Variants in PCDHA6 observed in about 807,000 individuals in gnomAD.
PCDHA6 encodes protocadherin alpha 6.
A neutral mutation model predicts 60.3 loss-of-function variants in PCDHA6; 55 were observed. That is an observed-to-expected ratio of 0.91 (90% confidence interval 0.73 to 1.14). The LOEUF (loss-of-function observed/expected upper bound fraction) is 1.14. Among genes scored for constraint, PCDHA6 ranks in the 50% most tolerant of loss-of-function variants. PCDHA6 has a pLI of 0.00. For missense variants in PCDHA6, 1,327 were observed against 1,256.5 expected (o/e 1.06, Z -0.85); for synonymous variants, 652 against 557.9 (o/e 1.17, Z -2.38).
At chr5:140,878,575 C>T (rs1339417321) in intron 1 of PCDHA6, among the ~76,000 whole-genome samples, 1 of 152,222 alleles carries the variant, frequency 6.6e-6, no homozygotes, top group African/African-American at 2.4e-5. Context: ...TAGTATACCA[C>T]TGCCCTGTGC....
At chr5:140,862,769 C>A (rs782429555) in intron 1 of PCDHA6, 1 of 578,770 alleles carries the variant, frequency 1.7e-6, no homozygotes. Context: ...AAGAGGTACG[C>A]GTTGCAGCCA....
chr5:140,850,087 TAC>T (rs2041337151), intron 1 of PCDHA6: 1 of 1,596,398 alleles, frequency 6.3e-7, no homozygotes, highest in African/African-American at 1.3e-5. Context: ...CTGGAGCTGC[TAC>T]AGTTCCAGGT....
intron 1 of PCDHA6, chr5:140,856,890 G>GTATT: frequency 6.3e-7 from 1 of 1,596,172 alleles, no homozygotes; most frequent in Non-Finnish European, 8.6e-7. Context: ...TATTCATTTA[G>GTATT]CTCTTTGGTC....
At chr5:140,831,149 C>G (rs561074158) in intron 1 of PCDHA6, 1 of 152,098 alleles carries the variant, frequency 6.6e-6, no homozygotes, top group Non-Finnish European at 1.5e-5. Flanking sequence ...TATTTACTAC[C>G]GATCTAAATA....
chr5:140,966,057 G>A (rs2153745793), intron 1 of PCDHA6, among the ~76,000 whole-genome samples: 1 of 152,318 alleles, frequency 6.6e-6, no homozygotes, highest in East Asian at 1.9e-4. Flanking sequence ...TAACCCCAGA[G>A]CGCCTCCCCC....
At chr5:140,896,827 T>G (rs1193967071) in intron 1 of PCDHA6, among the ~76,000 whole-genome samples, 1 of 152,214 alleles carries the variant, frequency 6.6e-6, no homozygotes, top group African/African-American at 2.4e-5. Flanking sequence ...TGTTCATAGT[T>G]GTTTTTATTT....
chr5:140,968,955 A>G, intron 1 of PCDHA6: 2 of 1,614,220 alleles, frequency 1.2e-6, no homozygotes, highest in Non-Finnish European at 1.7e-6. Flanking sequence ...AGCATCATCA[A>G]GTGCTACCGC....
intron 1 of PCDHA6, chr5:140,876,487 G>A (rs782413739): frequency 4.3e-6 from 7 of 1,613,904 alleles, no homozygotes; most frequent in Non-Finnish European, 5.9e-6. Flanking sequence ...GGTCCTGGTG[G>A]AAGTTCTGGA....
In PCDHA6 at chr5:140,842,845, T is replaced by G. The variant is rs2150346151; in HGVS notation, c.2394+12360T>G. The G allele has an allele frequency of 0.012, 19,312 of 1,593,596 alleles. 3,039 individuals are homozygous for G. In the African/African-American group the frequency reaches 0.23, roughly 19 times the overall value. On this transcript the variant is annotated intron_variant, in intron 1 of 3. Transcript: ENST00000529310. Reference sequence around the variant, plus strand: ...GCGAGCGCTCGCTGTCGAGCTACATTTCGGTGCACACGGAGAGCGGCAAGG... The same window carrying G: ...GCGAGCGCTCGCTGTCGAGCTACATGTCGGTGCACACGGAGAGCGGCAAGG...
rs941007574 is a variant in PCDHA6, at chr5:141,010,090, C to T, written c.*153C>T. 1.9e-6 allele frequency: 3 copies of T among 1,612,518 alleles called. No individual in the cohort carries two copies. Among genetic ancestry groups the T allele is most frequent in the Non-Finnish European group, 2.5e-6 (3 of 1,179,284 alleles). ...AAGTTCCCTGTGTCTGTCTAGAACG[C>T]ATTTAACAGGTTTTGTCGTAAAAGC... is the stretch of plus-strand genomic sequence containing the variant. On this transcript the variant is annotated 3_prime_UTR_variant, in exon 4 of 4. Coordinates refer to ENST00000529310, the MANE Select transcript of PCDHA6 (RefSeq NM_018909.4).
At chr5:140,875,951 C>T in intron 1 of PCDHA6, 1 of 1,614,116 alleles carries the variant, frequency 6.2e-7, no homozygotes, top group South Asian at 1.1e-5. Context: ...GCTTCTGATG[C>T]GGATATCGGC....
intron 3 of PCDHA6, among the ~76,000 whole-genome samples, chr5:140,984,016 T>G (rs2153832874): frequency 6.6e-6 from 1 of 152,280 alleles, no homozygotes; most frequent in Non-Finnish European, 1.5e-5. Context: ...TATTGCCAGA[T>G]TGCAAGGGGA....
At chr5:140,919,610 T>G (rs1173177727) in intron 1 of PCDHA6, among the ~76,000 whole-genome samples, 1 of 152,216 alleles carries the variant, frequency 6.6e-6, no homozygotes, top group Non-Finnish European at 1.5e-5. Flanking sequence ...AATTTTAAAC[T>G]GTATCTTTTG....
chr5:140,882,262 G>A (rs907928710), intron 1 of PCDHA6: 14 of 1,605,126 alleles, frequency 8.7e-6, no homozygotes, highest in Non-Finnish European at 1.2e-5. Flanking sequence ...GGTTTTTGGA[G>A]TGTACCATGC....
intron 1 of PCDHA6, among the ~76,000 whole-genome samples, chr5:140,898,404 A>G (rs1170692741): frequency 1.3e-5 from 2 of 152,242 alleles, no homozygotes; most frequent in Non-Finnish European, 2.9e-5. Flanking sequence ...AGCTTTCTAC[A>G]TACGGCTAGC....
In PCDHA6 at chr5:140,882,282, G is replaced by T. The variant is rs145553181; in HGVS notation, c.2394+51797G>T. On this transcript the variant is annotated intron_variant, in intron 1 of 3. Coordinates refer to ENST00000529310, the MANE Select transcript of PCDHA6 (RefSeq NM_018909.4). Reference sequence around the variant, plus strand: ...TTGGAGTGTACCATGCTGTCTTCCTGGCAAGGAGGCCCAAGACCGCGGCAA... The same window carrying T: ...TTGGAGTGTACCATGCTGTCTTCCTTGCAAGGAGGCCCAAGACCGCGGCAA... 4.2e-5 allele frequency: 68 copies of T among 1,612,712 alleles called. No individual in the cohort carries two copies. The African/African-American group carries it at 8.4e-4, about 20-fold the overall frequency.
rs1200077477 is a variant in PCDHA6, at chr5:140,898,429, C to T, written c.2394+67944C>T. 2.1e-3 allele frequency among the ~76,000 whole-genome samples: 312 copies of T among 150,132 alleles called. 2 individuals are homozygous for T. Among genetic ancestry groups the T allele is most frequent in the African/African-American group, 7.3e-3 (294 of 40,066 alleles). On this transcript the variant is annotated intron_variant, in intron 1 of 3. Coordinates refer to ENST00000529310, the MANE Select transcript of PCDHA6 (RefSeq NM_018909.4). ...ATACGGCTAGCCAGTTTTCCCAGCACCATTTATTAAATAGGGAATCCTTTC... is the reference window on the plus strand; with the variant it reads ...ATACGGCTAGCCAGTTTTCCCAGCATCATTTATTAAATAGGGAATCCTTTC...
chr5:140,829,481 G>C lies in PCDHA6; in HGVS notation c.1390G>C (p.Val464Leu). The part of the protein sequence containing the change: ...AFAQPEYTVF[V>L]KENNPPGCHI... ...CGCGCAGCCCGAGTACACAGTGTTC[G>C]TGAAGGAGAACAACCCGCCGGGCTG... is the stretch of plus-strand genomic sequence containing the variant. Residue 464 changes from valine to leucine, a missense_variant, in exon 1 of 4, where the codon GTG (valine) becomes CTG (leucine). Val to Leu is a conservative substitution (Grantham distance 32). Transcript: ENST00000529310. 6.2e-6 allele frequency: 10 copies of C among 1,613,786 alleles called. No individual in the cohort carries two copies. Among genetic ancestry groups the C allele is most frequent in the Middle Eastern group, 1.7e-4 (1 of 5,766 alleles).
At chr5:140,975,896 T>C (rs1267301126) in intron 1 of PCDHA6, among the ~76,000 whole-genome samples, 1 of 152,202 alleles carries the variant, frequency 6.6e-6, no homozygotes, top group Non-Finnish European at 1.5e-5. Context: ...CATATGGAGT[T>C]TTGTGACCAT....
Sources: gnomAD v4.1 joint callset for allele counts (sites outside exome capture counted in the v4.1 genomes callset) on GRCh38, gnomAD v4.1.1 for gene constraint, MANE v1.5 for transcripts, NCBI Gene and HGNC (gene_info 2026-07-23, HGNC 2026-07-21) for gene names.